Variants in IL2RA observed in about 807,000 individuals in gnomAD.
The protein encoded by IL2RA is interleukin 2 receptor subunit alpha.
Under a neutral mutation model 37.8 loss-of-function variants are expected in IL2RA, and 24 were observed. That is an observed-to-expected ratio of 0.63 (90% CI 0.46 to 0.89). The LOEUF (loss-of-function observed/expected upper bound fraction) is 0.89. Ranked by LOEUF, IL2RA falls within the 40% of genes least tolerant of loss-of-function variation. The probability of loss-of-function intolerance (pLI) is 0.00; values close to 1 mark genes in which losing one functional copy is unlikely to be tolerated. For synonymous variants in IL2RA, 125 were observed against 114.6 expected (o/e 1.09, Z -0.58); for missense variants, 319 against 348.6 (o/e 0.92, Z 0.68).
Position 6,035,551 on chromosome 10 carries a change from C to G in IL2RA, c.65-9526G>C, listed in dbSNP as rs981127712. ...TATCTCTATTCTGGCAATAAAAGTACTCTGGACACTGTTAAGGTGAGAAAA... is the reference window on the plus strand; with the variant it reads ...TATCTCTATTCTGGCAATAAAAGTAGTCTGGACACTGTTAAGGTGAGAAAA... On this transcript the variant is annotated intron_variant, in intron 1 of 7. Transcript: ENST00000379959. The surrounding 1 kb of genome is among the most constrained non-coding windows in gnomAD (Gnocchi z 5.4). 6.6e-6 allele frequency among the ~76,000 whole-genome samples: 1 copy of G among 152,166 alleles called. No individual in the cohort carries two copies. Among genetic ancestry groups the G allele is most frequent in the African/African-American group, 2.4e-5 (1 of 41,438 alleles).
At chr10:6,039,918 C>G (rs189236791) in intron 1 of IL2RA, among the ~76,000 whole-genome samples, 3 of 152,306 alleles carry the variant, frequency 2.0e-5, no homozygotes, top group Admixed American at 2.0e-4. Context: ...GAAGGCTGCT[C>G]TTAACTATAA....
At chr10:6,052,564 G>C (rs1839982435) in intron 1 of IL2RA, among the ~76,000 whole-genome samples, 1 of 152,086 alleles carries the variant, frequency 6.6e-6, no homozygotes, top group African/African-American at 2.4e-5. Context: ...TCTTCCTCCT[G>C]TACCCTCAAC....
Position 6,021,515 on chromosome 10 carries a change from G to A in IL2RA, c.546C>T (p.Leu182=), listed in dbSNP as rs1201800486. 1.2e-6 allele frequency: 2 copies of A among 1,614,024 alleles called. No homozygotes were observed. Among genetic ancestry groups the A allele is most frequent in the South Asian group, 2.2e-5 (2 of 91,084 alleles). The change falls in exon 4 of 8, where the codon CTC becomes CTT. Residue 182 remains leucine, a synonymous_variant. Coordinates refer to ENST00000379959, the MANE Select transcript of IL2RA (RefSeq NM_000417.3). The surrounding 1 kb of genome is among the most constrained non-coding windows in gnomAD (Gnocchi z 4.9). ...TGGTCTCCATTTCACCTGTGCATAT[G>A]AGCTGGGGCTGGGTCCACCTTGTCT... is the stretch of plus-strand genomic sequence containing the variant. The part of the protein sequence containing the change: ...HGKTRWTQPQ[L]ICTGEMETSQ...
chr10:6,025,997 G>A lies in IL2RA; in HGVS notation c.93C>T (p.Ile31=). 6.2e-7 allele frequency: 1 copy of A among 1,613,508 alleles called. No individual in the cohort carries two copies. Among genetic ancestry groups the A allele is most frequent in the Admixed American group, 1.7e-5 (1 of 60,028 alleles). The change falls in exon 2 of 8, where the codon ATC becomes ATT. Residue 31 remains isoleucine (I), a synonymous_variant. Transcript: ENST00000379959. This position sits in a 1 kb window ranked among gnomAD's most constrained non-coding sequence, Gnocchi z 4.4. ...AELCDDDPPE[I]PHATFKAMAY... ...CCATGGCTTTGAATGTGGCGTGTGG[G>A]ATCTCTGGCGGGTCATCGTCACAGA...
Position 6,048,431 on chromosome 10 carries a change from T to G in IL2RA, c.64+13657A>C, listed in dbSNP as rs1212357504. Among the ~76,000 whole-genome samples the G allele has an allele frequency of 6.6e-6, 1 of 152,158 alleles. No homozygotes were observed. The highest frequency in any genetic ancestry group is 2.4e-5 in the African/African-American group (1 of 41,440). On this transcript the variant is annotated intron_variant, in intron 1 of 7. Transcript: ENST00000379959. The surrounding 1 kb of genome is among the most constrained non-coding windows in gnomAD (Gnocchi z 5.3). ...CTGGATGTGTAGACTGAGCAGCCTG[T>G]GAGGCATCCACACGGAAAGGTCCGA...
chr10:6,015,979 T>C lies in IL2RA; in HGVS notation c.794+2074A>G, dbSNP rs953146295. On this transcript the variant is annotated intron_variant, in intron 7 of 7. Transcript: ENST00000379959. This position sits in a 1 kb window ranked among gnomAD's most constrained non-coding sequence, Gnocchi z 4.9. ...GGCAGTGTGGGGCTTCTCTTGGGAA[T>C]GATGGAAGTATTCTGGAATCAGTGG... Among the ~76,000 whole-genome samples, 1 of 152,134 alleles carries C rather than the reference T, an allele frequency of 6.6e-6. No homozygotes were observed. The highest frequency in any genetic ancestry group is 1.5e-5 in the Non-Finnish European group (1 of 68,022).
intron 1 of IL2RA, among the ~76,000 whole-genome samples, chr10:6,039,235 G>T (rs972292699): frequency 6.6e-6 from 1 of 152,078 alleles, no homozygotes; most frequent in African/African-American, 2.4e-5. Context: ...AATTCACCAG[G>T]AAAACATAAA....
At chr10:6,017,498 G>C (rs1839299082) in intron 7 of IL2RA, among the ~76,000 whole-genome samples, 2 of 151,860 alleles carry the variant, frequency 1.3e-5, no homozygotes, top group South Asian at 2.1e-4. Context: ...TATAAAACAA[G>C]CATCAAGCCT....
At chr10:6,019,672 G>A (rs963218476) in intron 5 of IL2RA, among the ~76,000 whole-genome samples, 173 bp from the exon 6 acceptor site, 9 of 152,202 alleles carry the variant, frequency 5.9e-5, no homozygotes, top group African/African-American at 2.2e-4. Flanking sequence ...CTTGGTCCTG[G>A]TCCTGGGTTC....
In IL2RA at chr10:6,035,248, C is replaced by T. The variant is rs1003057647; in HGVS notation, c.65-9223G>A. ...TGGGACCCTGAGAGAGCCAGGGGTT[C>T]CTTGGGCCCCCGCTAGGGGACTTTC... On this transcript the variant is annotated intron_variant, in intron 1 of 7. Transcript: ENST00000379959. This position sits in a 1 kb window ranked among gnomAD's most constrained non-coding sequence, Gnocchi z 5.4. Among the ~76,000 whole-genome samples the T allele has an allele frequency of 9.2e-5, 14 of 152,332 alleles. No individual in the cohort carries two copies. The highest frequency in any genetic ancestry group is 3.4e-3 in the Middle Eastern group (1 of 294).
At chr10:6,061,995 C>T in intron 1 of IL2RA, 93 bp downstream of exon 1, 2 of 1,067,612 alleles carry the variant, frequency 1.9e-6, no homozygotes, top group Non-Finnish European at 2.9e-6. Flanking sequence ...CTTCTTGGAA[C>T]CATCTACCTG....
chr10:6,062,122 C>G lies in IL2RA; in HGVS notation c.30G>C (p.Leu10=). 1 of 1,614,022 alleles carries G rather than the reference C, an allele frequency of 6.2e-7. No homozygotes were observed. Among genetic ancestry groups the G allele is most frequent in the Non-Finnish European group, 8.5e-7 (1 of 1,179,890 alleles). ...AGCCAGGCACCATGATGAACGTGAG[C>G]AGTCCCCACATCAGCAGGTATGAAT... The part of the protein sequence containing the change: MDSYLLMWG[L]LTFIMVPGCQ... Residue 10 remains leucine, a synonymous_variant, in exon 1 of 8, where the codon CTG becomes CTC. Coordinates refer to ENST00000379959, the MANE Select transcript of IL2RA (RefSeq NM_000417.3).
At position 6,035,267 on chromosome 10, in the gene IL2RA, G is replaced by A. The variant is rs1839662420; in HGVS notation, c.65-9242C>T. Among the ~76,000 whole-genome samples the A allele has an allele frequency of 6.6e-6, 1 of 152,210 alleles. No homozygotes were observed. Among genetic ancestry groups the A allele is most frequent in the Admixed American group, 6.5e-5 (1 of 15,278 alleles). Reference sequence around the variant, plus strand: ...GGGGTTCCTTGGGCCCCCGCTAGGGGACTTTCTGTTTGCCCTGGGTCTCCC... The same window carrying A: ...GGGGTTCCTTGGGCCCCCGCTAGGGAACTTTCTGTTTGCCCTGGGTCTCCC... On this transcript the variant is annotated intron_variant, in intron 1 of 7. Coordinates refer to ENST00000379959, the MANE Select transcript of IL2RA (RefSeq NM_000417.3). The surrounding 1 kb of genome is among the most constrained non-coding windows in gnomAD (Gnocchi z 5.4).
Position 6,012,797 on chromosome 10 carries a change from G to T in IL2RA, c.*75C>A, listed in dbSNP as rs1246565596. The T allele has an allele frequency of 6.7e-7, 1 of 1,483,258 alleles. No homozygotes were observed. The highest frequency in any genetic ancestry group is 2.3e-5 in the East Asian group (1 of 44,252). The allele number at this position is 1,483,258 out of a possible 1,614,324, so 91.9% of individuals were successfully genotyped here. On this transcript the variant is annotated 3_prime_UTR_variant, in exon 8 of 8. Transcript: ENST00000379959. This position sits in a 1 kb window ranked among gnomAD's most constrained non-coding sequence, Gnocchi z 4.8. ...TCCTGGGCGACCATTTAGCACCTTT[G>T]ATTTCACTTGGGCTTCATGACTTCT...
At chr10:6,041,274 C>G (rs955749253) in intron 1 of IL2RA, among the ~76,000 whole-genome samples, 7 of 151,988 alleles carry the variant, frequency 4.6e-5, no homozygotes, top group African/African-American at 1.7e-4. Context: ...ACGATCACGC[C>G]CAGCTAATTT....
intron 1 of IL2RA, among the ~76,000 whole-genome samples, chr10:6,043,252 T>C (rs566635005): frequency 6.6e-6 from 1 of 152,278 alleles, no homozygotes; most frequent in South Asian, 2.1e-4. Flanking sequence ...AAAAGCAAAG[T>C]TGCAAATAGA....
At chr10:6,043,479 C>A (rs1320714363) in intron 1 of IL2RA, among the ~76,000 whole-genome samples, 1 of 151,946 alleles carries the variant, frequency 6.6e-6, no homozygotes. Flanking sequence ...TGCTCTGTCA[C>A]CCAGGCTGCA....
chr10:6,031,459 T>C (rs1344203629), intron 1 of IL2RA, among the ~76,000 whole-genome samples: 7 of 11,000 alleles, frequency 6.4e-4, no homozygotes, highest in East Asian at 3.8e-3. Context: ...TATATACATA[T>C]ATATATATAT....
chr10:6,040,176 C>T (rs1839750293), intron 1 of IL2RA, among the ~76,000 whole-genome samples: 1 of 152,160 alleles, frequency 6.6e-6, no homozygotes, highest in Admixed American at 6.5e-5. Flanking sequence ...CTACAATGAC[C>T]TCTTGAGCGG....
Sources: gnomAD v4.1 joint callset for allele counts (sites outside exome capture counted in the v4.1 genomes callset) on GRCh38, gnomAD v4.1.1 for gene constraint, Gnocchi (gnomAD v3.1) non-coding constraint, MANE v1.5 for transcripts, NCBI Gene and HGNC (gene_info 2026-07-23, HGNC 2026-07-21) for gene names.